The following DOCK7 variants were observed in gnomAD, a reference collection of about 807,000 sequenced individuals.
DOCK7 encodes dedicator of cytokinesis protein 7.
In DOCK7, 138 loss-of-function variants were observed where a neutral mutation model predicts 271.0. The ratio of observed to expected loss-of-function variants is 0.51; its 90% CI spans 0.44 to 0.59. The LOEUF (loss-of-function observed/expected upper bound fraction) is 0.59, where lower values mean the gene tolerates loss of function less well. DOCK7 is among the 20% of genes least tolerant of loss of function. DOCK7 has a pLI of 0.00. For synonymous variants in DOCK7, 823 were observed against 876.1 expected (o/e 0.94, Z 1.07); for missense variants, 2,066 against 2,592.4 (o/e 0.80, Z 4.41).
chr1:62,639,180 T>G (rs1655663829), intron 7 of DOCK7, among the ~76,000 whole-genome samples: 1 of 152,122 alleles, frequency 6.6e-6, no homozygotes, highest in Non-Finnish European at 1.5e-5. Context: ...TCTTCAAAAC[T>G]GTCCTGCCTC....
At chr1:62,664,374 T>G (rs2149720585) in intron 1 of DOCK7, among the ~76,000 whole-genome samples, 1 of 152,206 alleles carries the variant, frequency 6.6e-6, no homozygotes, top group South Asian at 2.1e-4. Context: ...TCTGATGGTT[T>G]TATAAGGGGT....
At position 62,492,791 on chromosome 1, in the gene DOCK7, T is replaced by C; in HGVS notation, c.5274A>G (p.Pro1758=). 6.2e-7 allele frequency: 1 copy of C among 1,614,008 alleles called. No individual in the cohort carries two copies. The highest frequency in any genetic ancestry group is 8.5e-7 in the Non-Finnish European group (1 of 1,179,892). ...ESAVSDDVVS[P]DEEGICSGKY... ...TTCCAGAGCAGATACCTTCTTCATC[T>C]GGAGATACCACATCATCTGAGACCG... Residue 1758 remains proline, a synonymous_variant, in exon 41 of 50, where the codon CCA becomes CCG. Coordinates refer to ENST00000635253, the MANE Select transcript of DOCK7 (RefSeq NM_001367561.1).
In DOCK7 at chr1:62,588,962, A is replaced by AT. The variant is rs1476789511; in HGVS notation, c.1683-2339dup. On this transcript the variant is annotated intron_variant, in intron 14 of 49. Transcript: ENST00000635253. ...TTACTATGTTGCCCAGGCTGGTCTTATATTCCTGGGCTCAAGTGATTCTCC... is the reference window on the plus strand; with the variant it reads ...TTACTATGTTGCCCAGGCTGGTCTTATTATTCCTGGGCTCAAGTGATTCTCC... 2.9e-4 allele frequency among the ~76,000 whole-genome samples: 44 copies of AT among 152,198 alleles called. No individual in the cohort carries two copies. In the Middle Eastern group the frequency reaches 0.014, roughly 47 times the overall value.
chr1:62,550,818 T>G (rs1294885957), intron 22 of DOCK7, among the ~76,000 whole-genome samples: 1 of 151,648 alleles, frequency 6.6e-6, no homozygotes, highest in Non-Finnish European at 1.5e-5. Context: ...CCTCCCAGGT[T>G]CAAGCGATTC....
At chr1:62,468,315 C>G (rs539373329) in intron 48 of DOCK7, among the ~76,000 whole-genome samples, 10 of 148,692 alleles carry the variant, frequency 6.7e-5, no homozygotes, top group African/African-American at 2.5e-4. Context: ...GAGCCAAGAT[C>G]GCGCCATTGC....
intron 9 of DOCK7, 99 bp from the exon 10 acceptor site, chr1:62,633,677 C>A: frequency 2.6e-6 from 2 of 778,652 alleles, no homozygotes; most frequent in Non-Finnish European, 4.2e-6. Flanking sequence ...AACAGAATGA[C>A]AGAAAAAAAT....
intron 18 of DOCK7, among the ~76,000 whole-genome samples, chr1:62,574,785 G>A (rs1646894926): frequency 6.6e-6 from 1 of 152,008 alleles, no homozygotes; most frequent in South Asian, 2.1e-4. Context: ...CTGGAGTGCA[G>A]TGGCACAATC....
chr1:62,570,055 C>A (rs565334745), intron 18 of DOCK7, among the ~76,000 whole-genome samples: 1 of 152,120 alleles, frequency 6.6e-6, no homozygotes, highest in Admixed American at 6.6e-5. Context: ...TTGGCCAGGG[C>A]AATCAGACAA....
At chr1:62,552,636 T>C (rs1645946447) in intron 22 of DOCK7, 96 bp downstream of exon 22, 5 of 1,223,244 alleles carry the variant, frequency 4.1e-6, no homozygotes, top group Non-Finnish European at 4.5e-6. Flanking sequence ...CTAACTTACA[T>C]ACATCTCAAA....
chr1:62,610,338 AT>A (rs1217795940), intron 14 of DOCK7, among the ~76,000 whole-genome samples: 1 of 152,054 alleles, frequency 6.6e-6, no homozygotes, highest in Admixed American at 6.6e-5. Flanking sequence ...AGAAAAAAAA[AT>A]GCTCCTGAAT....
chr1:62,597,329 A>G (rs1191171892), intron 14 of DOCK7, among the ~76,000 whole-genome samples: 1 of 152,166 alleles, frequency 6.6e-6, no homozygotes, highest in Non-Finnish European at 1.5e-5. Context: ...GTTAAATACA[A>G]TTTCAAATTA....
At chr1:62,542,378 T>A (rs936979978) in intron 25 of DOCK7, among the ~76,000 whole-genome samples, 1 of 152,098 alleles carries the variant, frequency 6.6e-6, no homozygotes, top group Non-Finnish European at 1.5e-5. Flanking sequence ...TATGCAACCA[T>A]CCCTGAGAAA....
chr1:62,457,712 A>G lies in DOCK7; in HGVS notation c.6213-7T>C. The G allele has an allele frequency of 6.2e-7, 1 of 1,611,318 alleles. No homozygotes were observed. The highest frequency in any genetic ancestry group is 1.7e-5 in the Admixed American group (1 of 59,212). Reference sequence around the variant, plus strand: ...TCTTAAGGCATCTTCACACCTAGGAAAAACAGGATGTTATCAAGATATTAC... The same window carrying G: ...TCTTAAGGCATCTTCACACCTAGGAGAAACAGGATGTTATCAAGATATTAC... On this transcript the variant is annotated splice_region_variant and splice_polypyrimidine_tract_variant and intron_variant, in intron 48 of 49. Transcript: ENST00000635253.
At chr1:62,496,596 ATTC>A (rs1462592104) in intron 37 of DOCK7, 99 bp from the exon 38 acceptor site, 1 of 1,108,670 alleles carries the variant, frequency 9.0e-7, no homozygotes, top group Non-Finnish European at 1.3e-6. Context: ...AAAAAATACC[ATTC>A]TAAGCAAAAT....
intron 22 of DOCK7, among the ~76,000 whole-genome samples, 184 bp downstream of exon 22, chr1:62,552,548 G>GT (rs1438974984): frequency 6.6e-6 from 1 of 152,194 alleles, no homozygotes; most frequent in African/African-American, 2.4e-5. Context: ...GGAGTAGTTT[G>GT]TAAGAGCAAG....
chr1:62,628,555 T>G (rs1425374047), intron 11 of DOCK7: 2 of 152,184 alleles, frequency 1.3e-5, no homozygotes. Flanking sequence ...CAAAATGGAT[T>G]ATTATAAACC....
At chr1:62,653,887 A>G (rs1247580969) in intron 3 of DOCK7, 94 bp from the exon 4 acceptor site, 2 of 1,498,556 alleles carry the variant, frequency 1.3e-6, no homozygotes, top group Non-Finnish European at 1.8e-6. Context: ...CGTAACAGGA[A>G]ATGATGATGC....
At chr1:62,678,417 T>C (rs1248660075) in intron 1 of DOCK7, among the ~76,000 whole-genome samples, 1 of 152,184 alleles carries the variant, frequency 6.6e-6, no homozygotes, top group Non-Finnish European at 1.5e-5. Flanking sequence ...AATTGTTATA[T>C]ACCCAGGAAT....
At chr1:62,527,700 G>A (rs1279096061) in intron 31 of DOCK7, among the ~76,000 whole-genome samples, 1 of 148,290 alleles carries the variant, frequency 6.7e-6, no homozygotes, top group Non-Finnish European at 1.5e-5. Context: ...GACACAGGAA[G>A]GGGAACATCA....
Sources: allele counts gnomAD v4.1 joint callset (sites outside exome capture counted in the v4.1 genomes callset), GRCh38; gene constraint gnomAD v4.1.1; transcripts MANE v1.5; gene names NCBI Gene and HGNC (gene_info 2026-07-23, HGNC 2026-07-21).